The following APCDD1 variants were observed in gnomAD, a reference collection of about 807,000 sequenced individuals.
APCDD1 encodes the protein protein APCDD1.
APCDD1 carries 15 observed loss-of-function variants against 38.1 expected under a neutral mutation model. The observed-to-expected ratio is 0.39, with a 90% confidence interval of 0.26 to 0.61. APCDD1 has a LOEUF of 0.61. Ranked by LOEUF, APCDD1 falls within the 20% of genes least tolerant of loss-of-function variation. APCDD1 has a pLI of 0.49. For synonymous variants in APCDD1, 261 were observed against 279.7 expected, an observed-to-expected ratio of 0.93 and a Z score of 0.67; for missense variants, 647 against 696.2, an observed-to-expected ratio of 0.93 and a Z score of 0.79.
chr18:10,463,115 G>A (rs28549746), intron 1 of APCDD1, among the ~76,000 whole-genome samples: 12,032 of 151,536 alleles, frequency 0.079, 1,449 homozygotes, highest in African/African-American at 0.26. Flanking sequence ...TTCTCTTAGA[G>A]CCTCCTATGC....
rs1406869891 is a variant in APCDD1 at position 10,467,194 on chromosome 18, C to T, written c.59-1275C>T. 2.0e-5 allele frequency among the ~76,000 whole-genome samples: 3 copies of T among 152,192 alleles called. No individual in the cohort carries two copies. The highest frequency in any genetic ancestry group is 4.1e-4 in the South Asian group (2 of 4,830). ...GTCTCAGTTTATCCAGGTAGATTTT[C>T]GTCATGTTGCTGTAAGTGACTATAT... On this transcript the variant is annotated intron_variant, in intron 1 of 4. Transcript: ENST00000355285. The surrounding 1 kb of genome is among the most constrained non-coding windows in gnomAD (Gnocchi z 4.8).
chr18:10,488,175 C>T lies in APCDD1; in HGVS notation c.*137C>T, dbSNP rs1191392286. On this transcript the variant is annotated 3_prime_UTR_variant, in exon 5 of 5. Transcript: ENST00000355285. ...GTCCTTCTTTTTCTCCTCTCCCTCCCTCCCAGCCCCTGAGTCATGAACAGC... is the reference window on the plus strand; with the variant it reads ...GTCCTTCTTTTTCTCCTCTCCCTCCTTCCCAGCCCCTGAGTCATGAACAGC... 4.6e-6 allele frequency: 5 copies of T among 1,080,456 alleles called. No homozygotes were observed. The highest frequency in any genetic ancestry group is 4.0e-6 in the Non-Finnish European group (3 of 746,162). 66.9% of individuals were successfully genotyped at this position (1,080,456 alleles called of 1,614,324 possible).
Position 10,485,390 on chromosome 18 carries a change from T to C in APCDD1, c.775-72T>C. 4.5e-6 allele frequency: 7 copies of C among 1,552,692 alleles called. No homozygotes were observed. The highest frequency in any genetic ancestry group is 6.2e-6 in the Non-Finnish European group (7 of 1,132,850). ...ATCTGGTGCCTGGTGAGACCCCATT[T>C]GCCGGAAGCATGTGTGCACTGCTCC... On this transcript the variant is annotated intron_variant, in intron 3 of 4. Transcript: ENST00000355285. This position sits in a 1 kb window ranked among gnomAD's most constrained non-coding sequence, Gnocchi z 5.8.
chr18:10,461,038 G>T (rs1157189396), intron 1 of APCDD1, among the ~76,000 whole-genome samples: 1 of 152,094 alleles, frequency 6.6e-6, no homozygotes, highest in African/African-American at 2.4e-5. Flanking sequence ...TTTAAAATGT[G>T]ATATCTTTGG....
At position 10,484,271 on chromosome 18, in the gene APCDD1, A is replaced by T. The variant is rs192377463; in HGVS notation, c.775-1191A>T. 2.0e-5 allele frequency among the ~76,000 whole-genome samples: 3 copies of T among 152,336 alleles called. No homozygotes were observed. In the East Asian group the frequency reaches 5.8e-4, roughly 29 times the overall value. ...GTGTGCTTGCTGCTCCGCAGCTTCC[A>T]GCTCTCCCTTCTTGCGGGCCGCCTC... On this transcript the variant is annotated intron_variant, in intron 3 of 4. Transcript: ENST00000355285.
At chr18:10,487,182 T>G (rs896197228) in intron 4 of APCDD1, among the ~76,000 whole-genome samples, 1 of 152,222 alleles carries the variant, frequency 6.6e-6, no homozygotes, top group Admixed American at 6.5e-5. Context: ...GAAAACCTTT[T>G]GATAAAAGCA....
chr18:10,468,725 A>G (rs2030779378), intron 2 of APCDD1, 73 bp downstream of exon 2: 3 of 1,460,996 alleles, frequency 2.1e-6, no homozygotes, highest in Admixed American at 1.7e-5. Flanking sequence ...ATGGGTTCTC[A>G]GATGCAGAGA....
At chr18:10,487,516 A>G (rs1197739661) in intron 4 of APCDD1, 74 bp from the exon 5 acceptor site, 19 of 1,444,334 alleles carry the variant, frequency 1.3e-5, no homozygotes, top group Admixed American at 3.4e-5. Flanking sequence ...GAGTGTGGCC[A>G]GTGTTTTCTG....
Position 10,470,633 on chromosome 18 carries a change from A to T in APCDD1, c.243-897A>T, listed in dbSNP as rs2143532980. Among the ~76,000 whole-genome samples the T allele has an allele frequency of 6.6e-6, 1 of 152,314 alleles. No individual in the cohort carries two copies. The highest frequency in any genetic ancestry group is 1.9e-4 in the East Asian group (1 of 5,184). On this transcript the variant is annotated intron_variant, in intron 2 of 4. Transcript: ENST00000355285. This position sits in a 1 kb window ranked among gnomAD's most constrained non-coding sequence, Gnocchi z 4.1. Reference sequence around the variant, plus strand: ...GGGAAGGCCAGAATTGATGAGCTGAAAGTCATGGCGTAACTGAGACTAGGA... The same window carrying T: ...GGGAAGGCCAGAATTGATGAGCTGATAGTCATGGCGTAACTGAGACTAGGA...
intron 1 of APCDD1, among the ~76,000 whole-genome samples, chr18:10,465,612 T>A (rs1297787707): frequency 6.6e-6 from 1 of 152,212 alleles, no homozygotes; most frequent in Non-Finnish European, 1.5e-5. Context: ...TAAGGCATTG[T>A]TTTTGTTTTG....
Position 10,470,909 on chromosome 18 carries a change from T to G in APCDD1, c.243-621T>G, listed in dbSNP as rs2030835883. On this transcript the variant is annotated intron_variant, in intron 2 of 4. Coordinates refer to ENST00000355285, the MANE Select transcript of APCDD1 (RefSeq NM_153000.5). This position sits in a 1 kb window ranked among gnomAD's most constrained non-coding sequence, Gnocchi z 4.1. ...AACCCTTATTTCTGTTGTGCCAGCT[T>G]TGCTTTTAGTTAATTGCCCCCTTTA... 6.6e-6 allele frequency among the ~76,000 whole-genome samples: 1 copy of G among 152,204 alleles called. No individual in the cohort carries two copies. The highest frequency in any genetic ancestry group is 6.5e-5 in the Admixed American group (1 of 15,282).
intron 1 of APCDD1, among the ~76,000 whole-genome samples, chr18:10,465,500 C>G (rs1598395950): frequency 1.3e-5 from 2 of 152,314 alleles, no homozygotes; most frequent in East Asian, 3.9e-4. Context: ...GTTAATTTGA[C>G]ATTAGTGAAG....
rs549697473 is a variant in APCDD1 at position 10,455,144 on chromosome 18, G to A, written c.58+105G>A. ...TCTGGATCGCGGCACGGCCTACACT[G>A]TCCCCTTGGCGGGGCGGGTCCGAGG... On this transcript the variant is annotated intron_variant, in intron 1 of 4. Coordinates refer to ENST00000355285, the MANE Select transcript of APCDD1 (RefSeq NM_153000.5). 33 of 1,482,794 alleles carry A rather than the reference G, an allele frequency of 2.2e-5. No individual in the cohort carries two copies. The African/African-American group carries it at 4.1e-4, about 18-fold the overall frequency. The allele number at this position is 1,482,794 out of a possible 1,614,324, so 91.9% of individuals were successfully genotyped here.
intron 3 of APCDD1, chr18:10,477,956 G>A (rs1211191180): frequency 6.6e-6 from 1 of 152,038 alleles, no homozygotes; most frequent in East Asian, 1.9e-4. Flanking sequence ...AGGCAAAATG[G>A]TCTTTTTTAT....
intron 4 of APCDD1, among the ~76,000 whole-genome samples, chr18:10,486,370 A>G (rs550247): frequency 0.47 from 71,956 of 152,002 alleles, 17,322 homozygotes; most frequent in East Asian, 0.65. Context: ...ACAAAAAAAG[A>G]AATCTCAAGT....
At chr18:10,473,296 G>C (rs868477286) in intron 3 of APCDD1, among the ~76,000 whole-genome samples, 7 of 152,130 alleles carry the variant, frequency 4.6e-5, no homozygotes, top group African/African-American at 1.4e-4. Context: ...CCTGGTGGAG[G>C]CTGCTTCCTC....
chr18:10,458,879 A>G (rs916795740), intron 1 of APCDD1, among the ~76,000 whole-genome samples: 7 of 152,144 alleles, frequency 4.6e-5, no homozygotes, highest in African/African-American at 1.7e-4. Flanking sequence ...CCAGGAAAAA[A>G]TCCGCTACCA....
intron 1 of APCDD1, among the ~76,000 whole-genome samples, chr18:10,463,671 T>C (rs758359974): frequency 2.6e-5 from 4 of 152,196 alleles, no homozygotes; most frequent in Non-Finnish European, 5.9e-5. Flanking sequence ...GCCAAGTAAA[T>C]ACTGGATACC....
chr18:10,461,468 C>T (rs946002757), intron 1 of APCDD1, among the ~76,000 whole-genome samples: 5 of 152,206 alleles, frequency 3.3e-5, no homozygotes, highest in Admixed American at 2.6e-4. Flanking sequence ...GGACTGGGAA[C>T]AGTCCCTGGA....
Sources: gnomAD v4.1 joint callset for allele counts (sites outside exome capture counted in the v4.1 genomes callset) on GRCh38, gnomAD v4.1.1 for gene constraint, Gnocchi (gnomAD v3.1) non-coding constraint, MANE v1.5 for transcripts, NCBI Gene and HGNC (gene_info 2026-07-23, HGNC 2026-07-21) for gene names.